DLGAP1: variants seen among roughly 807,000 people sequenced by gnomAD.
The protein encoded by DLGAP1 is disks large-associated protein 1.
Under a neutral mutation model 90.8 loss-of-function variants are expected in DLGAP1, and 11 were observed. That is an observed-to-expected ratio of 0.12 (90% CI 0.08 to 0.20). The LOEUF is 0.20. Ranked by LOEUF, DLGAP1 falls within the 10% of genes least tolerant of loss-of-function variation. The probability of loss-of-function intolerance (pLI) is 1.00; values close to 1 mark genes in which losing one functional copy is unlikely to be tolerated. For synonymous variants in DLGAP1, 558 were observed against 540.7 expected (o/e 1.03, Z -0.44); for missense variants, 1,050 against 1,333.8 (o/e 0.79, Z 3.31).
chr18:3,689,863 G>A (rs968228286), intron 7 of DLGAP1, among the ~76,000 whole-genome samples: 1 of 152,170 alleles, frequency 6.6e-6, no homozygotes, highest in Non-Finnish European at 1.5e-5. Context: ...TCCTCGATAT[G>A]TTAATAAGCA....
chr18:3,687,707 C>G (rs2060748282), intron 7 of DLGAP1, among the ~76,000 whole-genome samples: 1 of 152,038 alleles, frequency 6.6e-6, no homozygotes, highest in Non-Finnish European at 1.5e-5. Flanking sequence ...AAAGTGTATA[C>G]AGGACTTTCA....
chr18:4,003,458 A>C (rs967224448), intron 3 of DLGAP1, among the ~76,000 whole-genome samples: 9 of 112,492 alleles, frequency 8.0e-5, no homozygotes, highest in African/African-American at 2.5e-4. Context: ...TTTTTTTGGA[A>C]GTTAACAGAT....
At chr18:3,980,559 G>C (rs1176245729) in intron 3 of DLGAP1, among the ~76,000 whole-genome samples, 1 of 152,122 alleles carries the variant, frequency 6.6e-6, no homozygotes, top group Non-Finnish European at 1.5e-5. Context: ...CTGAATACCA[G>C]AGCTTTGCTT....
chr18:3,519,290 A>G (rs1027221144), intron 10 of DLGAP1, among the ~76,000 whole-genome samples: 2 of 152,198 alleles, frequency 1.3e-5, no homozygotes, highest in African/African-American at 4.8e-5. Flanking sequence ...TAGCCTGTAC[A>G]GCTATAGTCC....
At chr18:4,086,708 C>T (rs1467229218) in intron 2 of DLGAP1, among the ~76,000 whole-genome samples, 1 of 151,592 alleles carries the variant, frequency 6.6e-6, no homozygotes, top group Non-Finnish European at 1.5e-5. Context: ...TGTTTTATAG[C>T]CTACAATATG....
At chr18:3,651,828 G>A (rs550962421) in intron 7 of DLGAP1, among the ~76,000 whole-genome samples, 8 of 152,136 alleles carry the variant, frequency 5.3e-5, no homozygotes, top group South Asian at 4.2e-4. Context: ...CAAAATAGCC[G>A]GGCGTGGTGG....
intron 5 of DLGAP1, among the ~76,000 whole-genome samples, chr18:3,800,915 G>T (rs1423380455): frequency 6.6e-6 from 1 of 152,090 alleles, no homozygotes; most frequent in Non-Finnish European, 1.5e-5. Context: ...TTGAAGCTGG[G>T]TAATTTATAA....
At chr18:3,788,970 A>T (rs1305873835) in intron 5 of DLGAP1, among the ~76,000 whole-genome samples, 3 of 152,256 alleles carry the variant, frequency 2.0e-5, no homozygotes, top group Admixed American at 6.5e-5. Flanking sequence ...TTTCATTTTC[A>T]AACATTCTTC....
At chr18:4,008,251 T>TCA (rs1273035016) in intron 2 of DLGAP1, among the ~76,000 whole-genome samples, 1 of 137,308 alleles carries the variant, frequency 7.3e-6, no homozygotes, top group African/African-American at 2.7e-5. Context: ...ACACACACAC[T>TCA]CACACACACA....
chr18:3,940,159 C>T (rs1351905942), intron 3 of DLGAP1, among the ~76,000 whole-genome samples: 1 of 152,188 alleles, frequency 6.6e-6, no homozygotes, highest in Non-Finnish European at 1.5e-5. Flanking sequence ...TCTGTAAAGA[C>T]GTCTACATGG....
At chr18:4,323,208 A>T (rs1385306723) in intron 1 of DLGAP1, among the ~76,000 whole-genome samples, 1 of 152,212 alleles carries the variant, frequency 6.6e-6, no homozygotes, top group Admixed American at 6.5e-5. Context: ...CATAACTCTC[A>T]TCAGGAAGAG....
chr18:3,756,914 A>G lies in DLGAP1; in HGVS notation c.1173-14402T>C, dbSNP rs369371208. ...AAATAAAAAATCTGAATAGATCTCC[A>G]ACAGCTAAATAAATTTAATTTTTAA... On this transcript the variant is annotated intron_variant, in intron 5 of 12. Transcript: ENST00000315677. Among the ~76,000 whole-genome samples, 5 of 152,354 alleles carry G rather than the reference A, an allele frequency of 3.3e-5. No individual in the cohort carries two copies. In the South Asian group the frequency reaches 6.2e-4, roughly 19 times the overall value.
In DLGAP1 at chr18:3,775,542, T is replaced by C. The variant is rs1164719877; in HGVS notation, c.1173-33030A>G. Reference sequence around the variant, plus strand: ...CCGAGGCCTCACCAAGCACGCTTCCTGTACAGCCTGTGAAACCCTAAGCCA... The same window carrying C: ...CCGAGGCCTCACCAAGCACGCTTCCCGTACAGCCTGTGAAACCCTAAGCCA... On this transcript the variant is annotated intron_variant, in intron 5 of 12. Transcript: ENST00000315677. This position sits in a 1 kb window ranked among gnomAD's most constrained non-coding sequence, Gnocchi z 4.9. Among the ~76,000 whole-genome samples the C allele has an allele frequency of 6.6e-6, 1 of 152,218 alleles. No individual in the cohort carries two copies. The highest frequency in any genetic ancestry group is 1.5e-5 in the Non-Finnish European group (1 of 68,040).
intron 2 of DLGAP1, among the ~76,000 whole-genome samples, chr18:4,071,867 AG>A (rs2075452247): frequency 6.6e-6 from 1 of 152,226 alleles, no homozygotes; most frequent in Admixed American, 6.5e-5. Flanking sequence ...GTTAATTCAA[AG>A]TTCCCATTGT....
intron 3 of DLGAP1, among the ~76,000 whole-genome samples, chr18:4,000,087 T>C (rs2074151222): frequency 6.6e-6 from 1 of 152,192 alleles, no homozygotes; most frequent in Non-Finnish European, 1.5e-5. Flanking sequence ...AGGGCTGGGA[T>C]TACAGGTGTG....
rs75560091 is a variant in DLGAP1, at chr18:4,094,178, T to C, written c.-159+57002A>G. Reference sequence around the variant, plus strand: ...TATGTATTATGTGGGACTTCTAAAATTGACATTAATTCAAAGAGATTTTTC... The same window carrying C: ...TATGTATTATGTGGGACTTCTAAAACTGACATTAATTCAAAGAGATTTTTC... On this transcript the variant is annotated intron_variant, in intron 2 of 12. Transcript: ENST00000315677. Among the ~76,000 whole-genome samples the C allele has an allele frequency of 2.0e-3, 308 of 152,322 alleles. 8 individuals are homozygous for C. In the East Asian group the frequency reaches 0.052, roughly 26 times the overall value.
At chr18:4,253,068 T>C (rs1392645554) in intron 1 of DLGAP1, among the ~76,000 whole-genome samples, 1 of 152,236 alleles carries the variant, frequency 6.6e-6, no homozygotes, top group African/African-American at 2.4e-5. Context: ...TATGCGGTGT[T>C]ACGTAGCTGT....
chr18:3,744,756 G>A lies in DLGAP1; in HGVS notation c.1173-2244C>T, dbSNP rs144400680. 1.1e-3 allele frequency among the ~76,000 whole-genome samples: 169 copies of A among 152,226 alleles called. 2 individuals are homozygous for A. The highest frequency in any genetic ancestry group is 3.8e-3 in the African/African-American group (159 of 41,548). ...AGATGGGGTTTCACCATGTTGGCCCGGCTGGTCTCAGACTCCTGACCTCAA... is the reference window on the plus strand; with the variant it reads ...AGATGGGGTTTCACCATGTTGGCCCAGCTGGTCTCAGACTCCTGACCTCAA... On this transcript the variant is annotated intron_variant, in intron 5 of 12. Coordinates refer to ENST00000315677, the MANE Select transcript of DLGAP1 (RefSeq NM_004746.4).
chr18:3,855,571 A>ACAAT (rs2069589947), intron 4 of DLGAP1, among the ~76,000 whole-genome samples: 1 of 152,222 alleles, frequency 6.6e-6, no homozygotes, highest in Non-Finnish European at 1.5e-5. Flanking sequence ...CTGTTGTTTT[A>ACAAT]CAATCAACAA....
Sources: allele counts gnomAD v4.1 joint callset (sites outside exome capture counted in the v4.1 genomes callset), GRCh38; gene constraint gnomAD v4.1.1; non-coding constraint Gnocchi (gnomAD v3.1); transcripts MANE v1.5; gene names NCBI Gene and HGNC (gene_info 2026-07-23, HGNC 2026-07-21).